Variants in TRAF3 observed in about 807,000 individuals in gnomAD.
The protein encoded by TRAF3 is TNF receptor associated factor 3, also known as TNF receptor-associated factor 3.
Under a neutral mutation model 62.3 loss-of-function variants are expected in TRAF3, and 13 were observed. That is an observed-to-expected ratio of 0.21 (90% confidence interval 0.14 to 0.33). The LOEUF is 0.33. Ranked by LOEUF, TRAF3 falls within the 10% of genes least tolerant of loss-of-function variation. The pLI is 1.00. For missense variants in TRAF3, 440 were observed against 741.8 expected (o/e 0.59, Z 4.73); for synonymous variants, 269 against 283.4 (o/e 0.95, Z 0.51).
At chr14:102,874,032 G>C (rs1045692487) in intron 4 of TRAF3, among the ~76,000 whole-genome samples, 1 of 152,174 alleles carries the variant, frequency 6.6e-6, no homozygotes, top group African/African-American at 2.4e-5. Flanking sequence ...GGCTGAGGCA[G>C]GTGGATCACT....
At position 102,909,962 on chromosome 14, in the gene TRAF3, G is replaced by C. The variant is rs1890777439; in HGVS notation, c.*4178G>C. ...TCCTTAAACGACCATTCTGTCCGCA[G>C]CGGGGTCATTCCTTGTCAGCCCAAG... On this transcript the variant is annotated 3_prime_UTR_variant, in exon 12 of 12. Coordinates refer to ENST00000392745, the MANE Select transcript of TRAF3 (RefSeq NM_145725.3). 6.6e-6 allele frequency: 1 copy of C among 152,300 alleles called. No individual in the cohort carries two copies. 9.4% of individuals were successfully genotyped at this position (152,300 alleles called of 1,614,324 possible). A position where few individuals can be genotyped will look rare whatever the true frequency, so the allele number is the denominator to read the frequency against.
chr14:102,885,952 C>G (rs1424015073), intron 6 of TRAF3, among the ~76,000 whole-genome samples: 1 of 152,208 alleles, frequency 6.6e-6, no homozygotes, highest in African/African-American at 2.4e-5. Context: ...GCAGACTGTT[C>G]TGAGGCAAGC....
chr14:102,781,575 A>G (rs1433573299), intron 1 of TRAF3, among the ~76,000 whole-genome samples: 1 of 152,184 alleles, frequency 6.6e-6, no homozygotes, highest in African/African-American at 2.4e-5. Flanking sequence ...TGGGAGGATC[A>G]TTCTAGTCTG....
intron 6 of TRAF3, among the ~76,000 whole-genome samples, chr14:102,880,533 T>C (rs1888990286): frequency 6.6e-6 from 1 of 152,192 alleles, no homozygotes; most frequent in South Asian, 2.1e-4. Flanking sequence ...GTTCAACCAT[T>C]GTGGAAGACA....
At chr14:102,888,772 A>G (rs1889548221) in intron 7 of TRAF3, among the ~76,000 whole-genome samples, 1 of 152,228 alleles carries the variant, frequency 6.6e-6, no homozygotes, top group Non-Finnish European at 1.5e-5. Flanking sequence ...CCTCATTTGT[A>G]TTAGCCTAAC....
At chr14:102,872,811 C>T (rs371474317) in intron 4 of TRAF3, among the ~76,000 whole-genome samples, 158 of 152,142 alleles carry the variant, frequency 1.0e-3, no homozygotes, top group African/African-American at 3.2e-3. Flanking sequence ...CATGCCGCAG[C>T]CTCCCGAGTA....
At chr14:102,840,111 T>C (rs1886288559) in intron 2 of TRAF3, among the ~76,000 whole-genome samples, 1 of 152,142 alleles carries the variant, frequency 6.6e-6, no homozygotes. Context: ...CTTGCCTCAG[T>C]GCAGAATTTA....
intron 2 of TRAF3, among the ~76,000 whole-genome samples, chr14:102,832,673 C>T (rs566486924): frequency 7.2e-4 from 110 of 152,092 alleles, no homozygotes; most frequent in African/African-American, 2.6e-3. Context: ...CTCTGTCCTC[C>T]CACCAAAAAA....
At chr14:102,797,270 A>T (rs1898144883) in intron 1 of TRAF3, among the ~76,000 whole-genome samples, 1 of 152,186 alleles carries the variant, frequency 6.6e-6, no homozygotes, top group South Asian at 2.1e-4. Context: ...GGAGTGAAAC[A>T]TGTAATGTGT....
chr14:102,871,917 C>G lies in TRAF3; in HGVS notation c.246C>G (p.Ser82Arg), dbSNP rs146435455. Reference protein sequence around the residue: ...FCESCMAALLSSSSPKCTACQ... With the variant: ...FCESCMAALLRSSSPKCTACQ... The stretch of plus-strand genomic sequence containing the variant: ...TGCAGTCACTTGTGTTTCCCTGCAG[C>G]TCTTCAAGTCCAAAATGTACAGCGT... The change falls in exon 4 of 12, where the codon AGC (serine) becomes AGG (arginine). Residue 82 changes from serine to arginine, a missense_variant and splice_region_variant. Around this residue, in one of 6 missense-constraint regions of TRAF3, gnomAD observed 255 missense variants for 424.1 expected, o/e 0.60. Transcript: ENST00000392745. 30 of 1,614,018 alleles carry G rather than the reference C, an allele frequency of 1.9e-5. No homozygotes were observed. Among genetic ancestry groups the G allele is most frequent in the Non-Finnish European group, 2.4e-5 (28 of 1,180,024 alleles).
intron 1 of TRAF3, among the ~76,000 whole-genome samples, chr14:102,810,305 A>G (rs867862851): frequency 1.3e-5 from 2 of 152,198 alleles, no homozygotes; most frequent in African/African-American, 2.4e-5. Context: ...CATCACACCC[A>G]GTGCAGTCGG....
At chr14:102,887,299 C>G (rs1889449117) in intron 7 of TRAF3, among the ~76,000 whole-genome samples, 1 of 152,228 alleles carries the variant, frequency 6.6e-6, no homozygotes, top group Non-Finnish European at 1.5e-5. Context: ...AATTTTACCA[C>G]TGGATACTGG....
At position 102,874,382 on chromosome 14, in the gene TRAF3, G is replaced by T. The variant is rs568824608; in HGVS notation, c.298-1242G>T. On this transcript the variant is annotated intron_variant, in intron 4 of 11. Transcript: ENST00000392745. ...AGCGATTCCCCTGCCTCAGCCTCCC[G>T]AGTAGCTGGGACTACAGGCATGTGC... 7.9e-5 allele frequency among the ~76,000 whole-genome samples: 12 copies of T among 152,116 alleles called. No individual in the cohort carries two copies. The South Asian group carries it at 2.5e-3, about 32-fold the overall frequency.
At chr14:102,798,045 C>T (rs1238508896) in intron 1 of TRAF3, among the ~76,000 whole-genome samples, 2 of 151,984 alleles carry the variant, frequency 1.3e-5, no homozygotes, top group East Asian at 1.9e-4. Context: ...CCTAGGCACT[C>T]GTATTTCTTA....
In TRAF3 at chr14:102,811,913, C is replaced by T. The variant is rs537143419; in HGVS notation, c.-156-18421C>T. The stretch of plus-strand genomic sequence containing the variant: ...TAGGCTTGTGCCACCATGCCTGGCC[C>T]TTTTTTTTTTTTTTTTTTTTTTTTT... On this transcript the variant is annotated intron_variant, in intron 1 of 11. Coordinates refer to ENST00000392745, the MANE Select transcript of TRAF3 (RefSeq NM_145725.3). Among the ~76,000 whole-genome samples, 13 of 47,090 alleles carry T rather than the reference C, an allele frequency of 2.8e-4. No individual in the cohort carries two copies. In the East Asian group the frequency reaches 3.0e-3, roughly 11 times the overall value. The allele number at this position is 47,090 out of a possible 152,430, so 30.9% of individuals were successfully genotyped here.
chr14:102,835,780 G>C (rs896927590), intron 2 of TRAF3, among the ~76,000 whole-genome samples: 1 of 152,092 alleles, frequency 6.6e-6, no homozygotes, highest in East Asian at 1.9e-4. Context: ...AGAGGGAGAG[G>C]ATCAGAAAAA....
chr14:102,829,527 G>T (rs1900530846), intron 1 of TRAF3, among the ~76,000 whole-genome samples: 1 of 152,134 alleles, frequency 6.6e-6, no homozygotes, highest in Non-Finnish European at 1.5e-5. Flanking sequence ...TGTGTAGAAG[G>T]GGCTGGCTCA....
At chr14:102,854,038 A>G (rs1887214122) in intron 2 of TRAF3, among the ~76,000 whole-genome samples, 1 of 152,146 alleles carries the variant, frequency 6.6e-6, no homozygotes, top group Non-Finnish European at 1.5e-5. Flanking sequence ...GAATCATACA[A>G]TATGTGGCCT....
chr14:102,875,130 A>C (rs74082939), intron 4 of TRAF3, among the ~76,000 whole-genome samples: 1 of 152,118 alleles, frequency 6.6e-6, no homozygotes, highest in African/African-American at 2.4e-5. Flanking sequence ...TCATTCCCCA[A>C]ATATGGTCTC....
Sources: allele counts gnomAD v4.1 joint callset (sites outside exome capture counted in the v4.1 genomes callset), GRCh38; gene constraint gnomAD v4.1.1; regional missense constraint gnomAD v4.1.1; transcripts MANE v1.5; gene names NCBI Gene and HGNC (gene_info 2026-07-23, HGNC 2026-07-21).